SGK3: variants seen among roughly 807,000 people sequenced by gnomAD.
SGK3 encodes the protein serine/threonine-protein kinase Sgk3.
SGK3 carries 47 observed loss-of-function variants against 68.5 expected under a neutral mutation model. The ratio of observed to expected loss-of-function variants is 0.69; its 90% CI spans 0.54 to 0.87. The LOEUF is 0.87. Ranked by LOEUF, SGK3 falls within the 40% of genes least tolerant of loss-of-function variation. SGK3 has a pLI of 0.00. For synonymous variants in SGK3, 181 were observed against 189.1 expected (o/e 0.96, Z 0.35); for missense variants, 479 against 575.5 (o/e 0.83, Z 1.72).
chr8:66,770,684 A>G (rs1227457006), intron 1 of SGK3, among the ~76,000 whole-genome samples: 1 of 152,084 alleles, frequency 6.6e-6, no homozygotes. Context: ...TAATGCTTTC[A>G]TATGTTTTTT....
chr8:66,722,419 A>T (rs891344374), intron 1 of SGK3, among the ~76,000 whole-genome samples: 1 of 152,196 alleles, frequency 6.6e-6, no homozygotes, highest in Non-Finnish European at 1.5e-5. Context: ...GGTAGCTGGG[A>T]CTACAGGCAT....
chr8:66,761,123 A>G (rs1806152821), intron 1 of SGK3, among the ~76,000 whole-genome samples: 1 of 151,938 alleles, frequency 6.6e-6, no homozygotes, highest in South Asian at 2.1e-4. Context: ...TTTAATTTTT[A>G]GAGACAGGGT....
At chr8:66,734,234 T>TC in intron 1 of SGK3, among the ~76,000 whole-genome samples, 1 of 148,704 alleles carries the variant, frequency 6.7e-6, no homozygotes, top group East Asian at 1.9e-4. Context: ...CTTTCTTTTT[T>TC]TTTTTTTTTT....
intron 1 of SGK3, among the ~76,000 whole-genome samples, chr8:66,726,326 G>A (rs537713859): frequency 6.6e-6 from 1 of 152,106 alleles, no homozygotes; most frequent in Non-Finnish European, 1.5e-5. Flanking sequence ...GTGGCAACAC[G>A]AGGCAGAGCT....
chr8:66,822,517 G>C, intron 6 of SGK3, 58 bp downstream of exon 6: 1 of 1,539,076 alleles, frequency 6.5e-7, no homozygotes, highest in South Asian at 1.2e-5. Context: ...GGTGAAATTA[G>C]TGGCTTTAGG....
intron 1 of SGK3, among the ~76,000 whole-genome samples, chr8:66,738,713 C>T (rs1166727804): frequency 2.0e-5 from 3 of 151,998 alleles, no homozygotes; most frequent in African/African-American, 7.3e-5. Context: ...CTGCAAGCTC[C>T]GCCTCCCGGG....
intron 1 of SGK3, among the ~76,000 whole-genome samples, chr8:66,715,344 G>A (rs1313242895): frequency 4.0e-5 from 6 of 151,804 alleles, no homozygotes; most frequent in Non-Finnish European, 5.9e-5. Flanking sequence ...TGCAACCTCC[G>A]CCTCCCGGGT....
intron 1 of SGK3, among the ~76,000 whole-genome samples, chr8:66,713,094 C>T (rs1346493215): frequency 2.0e-5 from 3 of 152,216 alleles, no homozygotes; most frequent in Non-Finnish European, 4.4e-5. Context: ...ACGCAGCCGC[C>T]GAGCCTGGAG....
intron 3 of SGK3, among the ~76,000 whole-genome samples, chr8:66,803,355 G>A (rs1425152789): frequency 6.6e-6 from 1 of 151,740 alleles, no homozygotes; most frequent in African/African-American, 2.4e-5. Context: ...GGTGAGACAG[G>A]TTGTTGCTCT....
intron 16 of SGK3, among the ~76,000 whole-genome samples, chr8:66,856,463 G>C (rs1223247527): frequency 6.6e-6 from 1 of 152,046 alleles, no homozygotes; most frequent in Non-Finnish European, 1.5e-5. Flanking sequence ...TTGTTTTTTG[G>C]ATTTTTGGAT....
chr8:66,777,574 C>T (rs1326872998), intron 1 of SGK3, among the ~76,000 whole-genome samples: 3 of 152,118 alleles, frequency 2.0e-5, no homozygotes, highest in Non-Finnish European at 4.4e-5. Flanking sequence ...AAATAGCTAC[C>T]ACGTTATTTC....
At chr8:66,826,952 T>G (rs1174419883) in intron 6 of SGK3, among the ~76,000 whole-genome samples, 1 of 152,072 alleles carries the variant, frequency 6.6e-6, no homozygotes, top group East Asian at 1.9e-4. Context: ...TTCAGAAACT[T>G]CTTAAGAACT....
chr8:66,713,914 C>T (rs553200986), intron 1 of SGK3, among the ~76,000 whole-genome samples: 1 of 152,258 alleles, frequency 6.6e-6, no homozygotes, highest in South Asian at 2.1e-4. Flanking sequence ...AGCCACCACC[C>T]CAGCATTTCC....
chr8:66,860,244 C>T lies in SGK3; in HGVS notation c.*663C>T, dbSNP rs1243112496. The stretch of plus-strand genomic sequence containing the variant: ...CTGAGGCGGGCAGATCACCTGAGGT[C>T]AGGAGTTGGAGACCAGCCTGACCAA... On this transcript the variant is annotated 3_prime_UTR_variant, in exon 17 of 17. Transcript: ENST00000521198. The T allele has an allele frequency of 6.6e-6, 1 of 152,246 alleles. No homozygotes were observed. Among genetic ancestry groups the T allele is most frequent in the African/African-American group, 2.4e-5 (1 of 41,430 alleles). 9.4% of individuals were successfully genotyped at this position (152,246 alleles called of 1,614,324 possible).
At chr8:66,837,546 C>A (rs577704473) in intron 10 of SGK3, among the ~76,000 whole-genome samples, 2 of 152,148 alleles carry the variant, frequency 1.3e-5, no homozygotes, top group South Asian at 4.2e-4. Flanking sequence ...TTTGGGAGGC[C>A]GATGTGGGTG....
intron 16 of SGK3, among the ~76,000 whole-genome samples, chr8:66,858,864 A>T (rs113485951): frequency 6.6e-6 from 1 of 152,028 alleles, no homozygotes; most frequent in African/African-American, 2.4e-5. Context: ...TCTTCTTCCA[A>T]TGTGGCCCAG....
chr8:66,757,998 T>TACACACACACTACACACACAC (rs1554595355), intron 1 of SGK3, among the ~76,000 whole-genome samples: 1 of 138,032 alleles, frequency 7.2e-6, no homozygotes, highest in African/African-American at 3.0e-5. Flanking sequence ...TGTATATATA[T>TACACACACACTACACACACAC]ACACACACAC....
intron 1 of SGK3, among the ~76,000 whole-genome samples, chr8:66,755,258 CAA>C (rs57985306): frequency 4.6e-5 from 4 of 86,994 alleles, no homozygotes; most frequent in African/African-American, 7.3e-5. Flanking sequence ...GACTCCATCT[CAA>C]AAAAAAAAAA....
Position 66,859,872 on chromosome 8 carries a change from G to A in SGK3, c.*291G>A. 1 of 228,712 alleles carries A rather than the reference G, an allele frequency of 4.4e-6. No homozygotes were observed. The highest frequency in any genetic ancestry group is 8.5e-6 in the Non-Finnish European group (1 of 117,548). The allele number at this position is 228,712 out of a possible 1,614,324, so 14.2% of individuals were successfully genotyped here. Reference sequence around the variant, plus strand: ...AAAGAAACCTTTTTTGCTATTGACTGTTTTTTCCCTCTAAGTTTACACTAA... The same window carrying A: ...AAAGAAACCTTTTTTGCTATTGACTATTTTTTCCCTCTAAGTTTACACTAA... On this transcript the variant is annotated 3_prime_UTR_variant, in exon 17 of 17. Coordinates refer to ENST00000521198, the MANE Select transcript of SGK3 (RefSeq NM_001033578.3).
Sources: gnomAD v4.1 joint callset for allele counts (sites outside exome capture counted in the v4.1 genomes callset) on GRCh38, gnomAD v4.1.1 for gene constraint, MANE v1.5 for transcripts, NCBI Gene and HGNC (gene_info 2026-07-23, HGNC 2026-07-21) for gene names.